Variants in KCNK10 observed in about 807,000 individuals in gnomAD.
The protein encoded by KCNK10 is potassium channel subfamily K member 10.
A neutral mutation model predicts 47.7 loss-of-function variants in KCNK10; 25 were observed. That is an observed-to-expected ratio of 0.52 (90% CI 0.38 to 0.73). The LOEUF is 0.73. Among genes scored for constraint, KCNK10 ranks in the 30% least tolerant of loss-of-function variants. The pLI, the probability that KCNK10 is intolerant of heterozygous loss-of-function variation, is 0.00. For missense variants in KCNK10, 563 were observed against 714.5 expected (o/e 0.79, Z 2.42); for synonymous variants, 303 against 285.6 (o/e 1.06, Z -0.61).
At chr14:88,267,852 G>A (rs754840941) in intron 1 of KCNK10, among the ~76,000 whole-genome samples, 23 of 152,246 alleles carry the variant, frequency 1.5e-4, no homozygotes, top group Non-Finnish European at 2.9e-4. Context: ...GGTGCTGATG[G>A]TGGTGAAGGT....
At chr14:88,281,402 A>G (rs1288725033) in intron 1 of KCNK10, among the ~76,000 whole-genome samples, 1 of 152,150 alleles carries the variant, frequency 6.6e-6, no homozygotes, top group Non-Finnish European at 1.5e-5. Flanking sequence ...ATTCATATTT[A>G]AGTTAGCAGA....
At chr14:88,283,299 T>G (rs1887691255) in intron 1 of KCNK10, among the ~76,000 whole-genome samples, 1 of 152,174 alleles carries the variant, frequency 6.6e-6, no homozygotes, top group African/African-American at 2.4e-5. Context: ...TTTTAAACAG[T>G]GGAATAAACT....
intron 3 of KCNK10, chr14:88,235,424 G>A (rs1232330751): frequency 2.9e-6 from 1 of 339,088 alleles, no homozygotes; most frequent in East Asian, 7.4e-5. Flanking sequence ...CAAAAATTGT[G>A]ACCAAGTATG....
intron 4 of KCNK10, among the ~76,000 whole-genome samples, chr14:88,212,108 GAATATATATA>G (rs916684292): frequency 3.9e-5 from 3 of 76,632 alleles, no homozygotes; most frequent in African/African-American, 1.4e-4. Flanking sequence ...CTGATAGTGA[GAATATATATA>G]TATATATATA....
In KCNK10 at chr14:88,319,354, G is replaced by A. The variant is rs73314229; in HGVS notation, c.52+3393C>T. Among the ~76,000 whole-genome samples the A allele has an allele frequency of 6.3e-3, 960 of 152,230 alleles. 10 individuals are homozygous for A. The highest frequency in any genetic ancestry group is 0.022 in the African/African-American group (914 of 41,530). The stretch of plus-strand genomic sequence containing the variant: ...TTCCAGAACCCATGAGAGCACCTCC[G>A]CCTGAAGGGTCATGTCTGTTGATAG... On this transcript the variant is annotated intron_variant, in intron 1 of 6. Coordinates refer to ENST00000319231, the MANE Select transcript of KCNK10 (RefSeq NM_138317.3).
intron 4 of KCNK10, among the ~76,000 whole-genome samples, chr14:88,197,572 TAAAAAAAAAAAAAAAA>T (rs71417717): frequency 0.013 from 219 of 17,146 alleles, 2 homozygotes; most frequent in African/African-American, 0.024. Flanking sequence ...AGACTCCGAC[TAAAAAAAAAAAAAAAA>T]AAAAAAAAAA....
intron 1 of KCNK10, among the ~76,000 whole-genome samples, chr14:88,292,846 G>A (rs146995325): frequency 0.018 from 2,731 of 152,004 alleles, 78 homozygotes; most frequent in South Asian, 0.13. Flanking sequence ...CTGGTCTCAA[G>A]CTCCTGGGCT....
chr14:88,292,678 G>C (rs1887907429), intron 1 of KCNK10, among the ~76,000 whole-genome samples: 1 of 152,194 alleles, frequency 6.6e-6, no homozygotes, highest in African/African-American at 2.4e-5. Flanking sequence ...TGTCACCCAG[G>C]CTGGGGTGCA....
At chr14:88,204,736 T>G (rs969583167) in intron 4 of KCNK10, among the ~76,000 whole-genome samples, 2 of 152,130 alleles carry the variant, frequency 1.3e-5, no homozygotes, top group Non-Finnish European at 2.9e-5. Flanking sequence ...AAGATTTGAT[T>G]TTTTTAGAAC....
intron 4 of KCNK10, among the ~76,000 whole-genome samples, chr14:88,215,950 C>T (rs1195976627): frequency 6.6e-6 from 1 of 152,074 alleles, no homozygotes; most frequent in Non-Finnish European, 1.5e-5. Context: ...ACAGGAAACA[C>T]CAAAGGGATA....
intron 4 of KCNK10, among the ~76,000 whole-genome samples, chr14:88,197,896 A>AGAGAGAGAGAG (rs1555359770): frequency 1.3e-4 from 15 of 117,696 alleles, no homozygotes; most frequent in African/African-American, 5.8e-4. Context: ...GAGAGAGAGA[A>AGAGAGAGAGAG]GGGGAAAAAA....
At chr14:88,293,262 T>C (rs1446749041) in intron 1 of KCNK10, among the ~76,000 whole-genome samples, 1 of 152,202 alleles carries the variant, frequency 6.6e-6, no homozygotes, top group Non-Finnish European at 1.5e-5. Context: ...CATGAATATA[T>C]ATTTCCAGCT....
intron 1 of KCNK10, among the ~76,000 whole-genome samples, chr14:88,287,955 A>C (rs992695904): frequency 1.3e-5 from 2 of 152,162 alleles, no homozygotes; most frequent in Non-Finnish European, 2.9e-5. Context: ...TTGTATTCCC[A>C]GCAGCAGTGT....
chr14:88,246,577 G>C (rs1184939215), intron 2 of KCNK10, among the ~76,000 whole-genome samples: 2 of 152,208 alleles, frequency 1.3e-5, no homozygotes, highest in East Asian at 1.9e-4. Flanking sequence ...ATCTTCCAAG[G>C]GCAAGGTGAG....
At chr14:88,251,912 GTCCTACTAAATCAGTTC>G (rs755973720) in intron 2 of KCNK10, among the ~76,000 whole-genome samples, 22 of 152,084 alleles carry the variant, frequency 1.4e-4, no homozygotes, top group Non-Finnish European at 2.6e-4. Flanking sequence ...TGGAATCTTT[GTCCTACTAAATCAGTTC>G]TCCTATTTGG....
In KCNK10 at chr14:88,194,473, G is replaced by A. The variant is rs190950163; in HGVS notation, c.682-2063C>T. 3.4e-3 allele frequency among the ~76,000 whole-genome samples: 524 copies of A among 152,328 alleles called. 1 individual carries two copies. The highest frequency in any genetic ancestry group is 6.2e-3 in the Non-Finnish European group (419 of 68,036). Reference sequence around the variant, plus strand: ...TCAAATATTCCTCCTCAAATGCATAGTGAAGTTAAAGTGAATTAAATGTTT... The same window carrying A: ...TCAAATATTCCTCCTCAAATGCATAATGAAGTTAAAGTGAATTAAATGTTT... On this transcript the variant is annotated intron_variant, in intron 4 of 6. Transcript: ENST00000319231.
At chr14:88,195,356 C>A (rs1009989314) in intron 4 of KCNK10, among the ~76,000 whole-genome samples, 3 of 152,184 alleles carry the variant, frequency 2.0e-5, no homozygotes, top group Non-Finnish European at 4.4e-5. Context: ...AACAAGTGTG[C>A]AAACACTTAG....
At chr14:88,215,772 G>T (rs763395907) in intron 4 of KCNK10, among the ~76,000 whole-genome samples, 2 of 152,172 alleles carry the variant, frequency 1.3e-5, no homozygotes, top group African/African-American at 2.4e-5. Context: ...GAGACAGAGA[G>T]AGACTCTGTT....
chr14:88,282,980 A>G (rs554790651), intron 1 of KCNK10, among the ~76,000 whole-genome samples: 5 of 152,340 alleles, frequency 3.3e-5, no homozygotes, highest in African/African-American at 1.2e-4. Flanking sequence ...CTTCAGCACT[A>G]TGTCAAACTG....
Sources: allele counts gnomAD v4.1 joint callset (sites outside exome capture counted in the v4.1 genomes callset), GRCh38; gene constraint gnomAD v4.1.1; transcripts MANE v1.5; gene names NCBI Gene and HGNC (gene_info 2026-07-23, HGNC 2026-07-21).